ITGA8: variants seen among roughly 807,000 people sequenced by gnomAD.
The protein encoded by ITGA8 is integrin subunit alpha 8.
In ITGA8, 91 loss-of-function variants were observed where a neutral mutation model predicts 142.3. The ratio of observed to expected loss-of-function variants is 0.64; its 90% CI spans 0.54 to 0.76. The LOEUF (loss-of-function observed/expected upper bound fraction) is 0.76, where lower values mean the gene tolerates loss of function less well. Among genes scored for constraint, ITGA8 ranks in the 30% least tolerant of loss-of-function variants. The probability of loss-of-function intolerance (pLI) is 0.00; values close to 1 mark genes in which losing one functional copy is unlikely to be tolerated. For missense variants in ITGA8, 1,406 were observed against 1,327.7 expected, an observed-to-expected ratio of 1.06 and a Z score of -0.92; for synonymous variants, 505 against 485.2, an observed-to-expected ratio of 1.04 and a Z score of -0.54.
chr10:15,623,596 G>T (rs1167960666), intron 13 of ITGA8, among the ~76,000 whole-genome samples: 1 of 152,126 alleles, frequency 6.6e-6, no homozygotes, highest in Non-Finnish European at 1.5e-5. Flanking sequence ...TGAGGCAGGG[G>T]AATCGCTTGA....
At chr10:15,644,698 T>G (rs542654213) in intron 12 of ITGA8, among the ~76,000 whole-genome samples, 1 of 150,854 alleles carries the variant, frequency 6.6e-6, no homozygotes, top group Non-Finnish European at 1.5e-5. Flanking sequence ...AAAAGCAGTA[T>G]CGAAACTCTA....
intron 13 of ITGA8, among the ~76,000 whole-genome samples, chr10:15,621,829 T>G (rs1833496233): frequency 6.6e-6 from 1 of 152,036 alleles, no homozygotes. Flanking sequence ...ATGGTGCCAC[T>G]GCACTCCAGC....
At position 15,691,971 on chromosome 10, in the gene ITGA8, C is replaced by G. The variant is rs147460264; in HGVS notation, c.344-3933G>C. On this transcript the variant is annotated intron_variant, in intron 2 of 29. Transcript: ENST00000378076. ...ATTTTTTTTGAGACAGGGTCTCACT[C>G]TGTTACCCAGGCTAGAATGCAGTGG... Among the ~76,000 whole-genome samples the G allele has an allele frequency of 7.2e-3, 1,091 of 152,256 alleles. 9 individuals are homozygous for G. Among genetic ancestry groups the G allele is most frequent in the African/African-American group, 0.025 (1,043 of 41,534 alleles).
intron 15 of ITGA8, 83 bp from the exon 16 acceptor site, chr10:15,608,373 G>T: frequency 1.3e-6 from 1 of 761,676 alleles, no homozygotes; most frequent in South Asian, 1.6e-5. Flanking sequence ...CCCAGATAAC[G>T]AATATCATTT....
chr10:15,523,125 G>A (rs865911123), intron 28 of ITGA8, among the ~76,000 whole-genome samples: 1 of 152,204 alleles, frequency 6.6e-6, no homozygotes, highest in Non-Finnish European at 1.5e-5. Flanking sequence ...TAAAGGAGTT[G>A]AAATAGAGGC....
intron 23 of ITGA8, among the ~76,000 whole-genome samples, chr10:15,584,447 A>T (rs1192197751): frequency 1.1e-4 from 17 of 152,236 alleles, no homozygotes; most frequent in African/African-American, 3.9e-4. Flanking sequence ...TCAGTAAGGT[A>T]CCATTTCTTG....
At position 15,638,653 on chromosome 10, in the gene ITGA8, T is replaced by C. The variant is rs79853376; in HGVS notation, c.1399+5377A>G. On this transcript the variant is annotated intron_variant, in intron 13 of 29. Transcript: ENST00000378076. ...TTCTCAGGGGTGTTCCATTCCCTAA[T>C]CATGCCAAGTAGTTTGACTTGTTTC... Among the ~76,000 whole-genome samples the C allele has an allele frequency of 2.3e-3, 351 of 152,332 alleles. 10 individuals are homozygous for C. The East Asian group carries it at 0.056, about 24-fold the overall frequency.
At chr10:15,677,736 A>C in intron 5 of ITGA8, 99 bp from the exon 6 acceptor site, 1 of 1,183,024 alleles carries the variant, frequency 8.5e-7, no homozygotes, top group Non-Finnish European at 1.2e-6. Context: ...TGCTCTAACA[A>C]TTTGTTACAC....
intron 28 of ITGA8, among the ~76,000 whole-genome samples, chr10:15,530,801 A>G (rs1486634929): frequency 6.6e-6 from 1 of 152,208 alleles, no homozygotes; most frequent in Admixed American, 6.5e-5. Flanking sequence ...TCTGAATAAA[A>G]TGTCTTCATT....
intron 2 of ITGA8, among the ~76,000 whole-genome samples, chr10:15,692,525 T>C (rs768426415): frequency 2.0e-5 from 3 of 152,206 alleles, no homozygotes; most frequent in Non-Finnish European, 2.9e-5. Flanking sequence ...TATTTCCAAA[T>C]CTTTCCCAAT....
chr10:15,540,366 C>G (rs186437766), intron 27 of ITGA8, among the ~76,000 whole-genome samples: 2 of 152,124 alleles, frequency 1.3e-5, no homozygotes, highest in Non-Finnish European at 2.9e-5. Flanking sequence ...TTTTAGCTCC[C>G]ACATAGGAGT....
intron 13 of ITGA8, among the ~76,000 whole-genome samples, chr10:15,624,617 T>C (rs1034835899): frequency 1.3e-5 from 2 of 152,162 alleles, no homozygotes; most frequent in Admixed American, 1.3e-4. Flanking sequence ...GACTCCTGTC[T>C]TGGCAATACA....
chr10:15,702,533 C>G (rs750989532), intron 2 of ITGA8, among the ~76,000 whole-genome samples: 2 of 152,124 alleles, frequency 1.3e-5, no homozygotes, highest in East Asian at 1.9e-4. Context: ...TCAGGTGATT[C>G]ACCCACCTCG....
chr10:15,643,112 A>T (rs1430580374), intron 13 of ITGA8, among the ~76,000 whole-genome samples: 1 of 152,252 alleles, frequency 6.6e-6, no homozygotes, highest in Non-Finnish European at 1.5e-5. Context: ...CAATGTCTTC[A>T]TATAGCATGC....
intron 13 of ITGA8, among the ~76,000 whole-genome samples, chr10:15,626,287 C>T (rs1833581216): frequency 6.6e-6 from 1 of 152,078 alleles, no homozygotes; most frequent in Admixed American, 6.5e-5. Flanking sequence ...GGCTGGAGTG[C>T]AATGGCTCAC....
rs5783451 is a variant in ITGA8, at chr10:15,553,302, GTTTTTTTT to G, written c.2767-4742_2767-4735del. 3.5e-3 allele frequency among the ~76,000 whole-genome samples: 460 copies of G among 131,138 alleles called. 2 individuals carry two copies. The highest frequency in any genetic ancestry group is 0.012 in the African/African-American group (434 of 37,144). 86.0% of individuals were successfully genotyped at this position (131,138 alleles called of 152,430 possible). The stretch of plus-strand genomic sequence containing the variant: ...GAATTACAATCTTCCAGTTGCCATA[GTTTTTTTT>G]TTTTTTTTTTGTCTTCAAAAAGTAA... On this transcript the variant is annotated intron_variant, in intron 26 of 29. Coordinates refer to ENST00000378076, the MANE Select transcript of ITGA8 (RefSeq NM_003638.3).
chr10:15,649,446 T>C (rs1434532553), intron 11 of ITGA8, among the ~76,000 whole-genome samples: 1 of 151,660 alleles, frequency 6.6e-6, no homozygotes, highest in Non-Finnish European at 1.5e-5. Context: ...CTGGCCAATA[T>C]GGTGAAACGC....
chr10:15,639,536 G>A (rs1039660447), intron 13 of ITGA8, among the ~76,000 whole-genome samples: 5 of 152,204 alleles, frequency 3.3e-5, no homozygotes, highest in Non-Finnish European at 5.9e-5. Flanking sequence ...GCACTCTACA[G>A]CTCATTGCAT....
chr10:15,660,986 C>A, intron 8 of ITGA8, 64 bp from the exon 9 acceptor site: 1 of 1,358,648 alleles, frequency 7.4e-7, no homozygotes, highest in Non-Finnish European at 1.1e-6. Context: ...CACACACACG[C>A]CATATACTAA....
Sources: gnomAD v4.1 joint callset for allele counts (sites outside exome capture counted in the v4.1 genomes callset) on GRCh38, gnomAD v4.1.1 for gene constraint, MANE v1.5 for transcripts, NCBI Gene and HGNC (gene_info 2026-07-23, HGNC 2026-07-21) for gene names.